The following IARS1 variants were observed in gnomAD, a reference collection of about 807,000 sequenced individuals.
IARS1 encodes the protein isoleucyl-tRNA synthetase 1, also known as isoleucine--tRNA ligase, cytoplasmic.
IARS1 carries 124 observed loss-of-function variants against 168.2 expected under a neutral mutation model. The observed-to-expected ratio is 0.74, with a 90% CI of 0.64 to 0.86. IARS1 has a LOEUF of 0.86. Among genes scored for constraint, IARS1 ranks in the 40% least tolerant of loss-of-function variants. IARS1 has a pLI of 0.00. For synonymous variants in IARS1, 532 were observed against 529.4 expected (o/e 1.00, Z -0.07); for missense variants, 1,452 against 1,515.8 (o/e 0.96, Z 0.70).
At chr9:92,250,685 G>C in intron 23 of IARS1, 28 bp downstream of exon 23, 1 of 1,573,588 alleles carries the variant, frequency 6.4e-7, no homozygotes. Flanking sequence ...CTTGGCACAG[G>C]TGAGGCTTAT....
intron 10 of IARS1, 126 bp from the exon 11 acceptor site, chr9:92,271,781 A>C (rs1833076387): frequency 9.8e-7 from 1 of 1,019,712 alleles, no homozygotes; most frequent in Non-Finnish European, 1.5e-6. Flanking sequence ...TTGTCCTGTA[A>C]ACTGAAGGTA....
rs910173548 is a variant in IARS1 at position 92,293,636 on chromosome 9, G to A, written c.-33C>T. 2 of 307,140 alleles carry A rather than the reference G, an allele frequency of 6.5e-6. No homozygotes were observed. The highest frequency in any genetic ancestry group is 4.2e-5 in the Admixed American group (1 of 23,790). 19.0% of individuals were successfully genotyped at this position (307,140 alleles called of 1,614,324 possible). A position where few individuals can be genotyped will look rare whatever the true frequency, so the allele number is the denominator to read the frequency against. On this transcript the variant is annotated 5_prime_UTR_variant, in exon 1 of 34. Transcript: ENST00000443024. ...CTGAGGGGCCTCGCGTGCCTGGACA[G>A]CCCCGCGGGCCAGCAAGCCTAAAAG...
At chr9:92,271,687 A>T in intron 10 of IARS1, 32 bp from the exon 11 acceptor site, 1 of 1,612,484 alleles carries the variant, frequency 6.2e-7, no homozygotes, top group Non-Finnish European at 8.5e-7. Context: ...GGAAGAATAA[A>T]ACAGTCTATG....
chr9:92,214,524 T>G (rs1412685041), intron 33 of IARS1, among the ~76,000 whole-genome samples: 1 of 152,158 alleles, frequency 6.6e-6, no homozygotes, highest in African/African-American at 2.4e-5. Flanking sequence ...TTCATCTCAC[T>G]AGGGAGTGCC....
chr9:92,212,111 G>T (rs1006369455), intron 33 of IARS1, among the ~76,000 whole-genome samples: 10 of 152,286 alleles, frequency 6.6e-5, no homozygotes, highest in African/African-American at 2.2e-4. Flanking sequence ...TCCTAGATGT[G>T]AGAATACTCT....
intron 10 of IARS1, among the ~76,000 whole-genome samples, chr9:92,273,836 GTGCTACACCA>G (rs1233464829): frequency 6.6e-5 from 10 of 152,312 alleles, no homozygotes; most frequent in South Asian, 2.1e-4. Context: ...GTGTATGTAG[GTGCTACACCA>G]TGCTACACCA....
chr9:92,245,578 T>C (rs1829061253), intron 26 of IARS1, among the ~76,000 whole-genome samples: 1 of 152,136 alleles, frequency 6.6e-6, no homozygotes, highest in Non-Finnish European at 1.5e-5. Context: ...CAGCTGCTGA[T>C]GTTAACACCC....
chr9:92,258,163 G>A (rs1830995468), intron 19 of IARS1, among the ~76,000 whole-genome samples: 1 of 152,174 alleles, frequency 6.6e-6, no homozygotes, highest in South Asian at 2.1e-4. Context: ...GCCAGCCCTA[G>A]CTTGCCTGTG....
intron 32 of IARS1, 32 bp downstream of exon 32, chr9:92,223,314 C>G (rs1491003259): frequency 7.0e-6 from 11 of 1,581,728 alleles, no homozygotes; most frequent in Non-Finnish European, 9.5e-6. Flanking sequence ...GCCCAGCACC[C>G]CACAGTCTGC....
At chr9:92,282,944 T>A (rs963696102) in intron 6 of IARS1, among the ~76,000 whole-genome samples, 1 of 151,296 alleles carries the variant, frequency 6.6e-6, no homozygotes, top group African/African-American at 2.4e-5. Context: ...AACCTCAACT[T>A]CCTGGGCTCA....
intron 1 of IARS1, among the ~76,000 whole-genome samples, chr9:92,291,323 G>A (rs1180867264): frequency 6.6e-6 from 1 of 151,998 alleles, no homozygotes; most frequent in Non-Finnish European, 1.5e-5. Context: ...CAACTCTACA[G>A]GAAAAGACAC....
In IARS1 at chr9:92,278,238, G is replaced by A. The variant is rs1834039030; in HGVS notation, c.794C>T (p.Ala265Val). Residue 265 changes from alanine (A) to valine (V), a missense_variant, in exon 8 of 34, where the codon GCC (alanine) becomes GTC (valine). Ala to Val is a moderately conservative substitution (Grantham distance 64, BLOSUM62 0). Coordinates refer to ENST00000443024, the MANE Select transcript of IARS1 (RefSeq NM_002161.6). Reference protein sequence around the residue: ...LLILMEARLSALYKLESDYEI... With the variant: ...LLILMEARLSVLYKLESDYEI... Reference sequence around the variant, plus strand: ...ATAGTCACTCTCCAATTTATAGAGGGCTGACAATCTGGCTTCCATTAAAAT... The same window carrying A: ...ATAGTCACTCTCCAATTTATAGAGGACTGACAATCTGGCTTCCATTAAAAT... The A allele has an allele frequency of 6.2e-7, 1 of 1,612,226 alleles. No homozygotes were observed. Among genetic ancestry groups the A allele is most frequent in the Non-Finnish European group, 8.5e-7 (1 of 1,178,432 alleles).
chr9:92,216,918 C>A (rs978036876), intron 33 of IARS1, among the ~76,000 whole-genome samples: 1 of 147,656 alleles, frequency 6.8e-6, no homozygotes, highest in African/African-American at 2.4e-5. Flanking sequence ...CTGCACCAAG[C>A]GGACCTAGTA....
At chr9:92,249,022 C>T (rs557894955) in intron 25 of IARS1, among the ~76,000 whole-genome samples, 1 of 152,262 alleles carries the variant, frequency 6.6e-6, no homozygotes, top group South Asian at 2.1e-4. Context: ...TATCCAATAT[C>T]CATACACTGA....
intron 18 of IARS1, among the ~76,000 whole-genome samples, chr9:92,259,905 G>C (rs903710909): frequency 2.5e-4 from 38 of 152,308 alleles, no homozygotes; most frequent in African/African-American, 8.4e-4. Context: ...GACTTGGACA[G>C]CTCAACAACA....
At chr9:92,268,080 G>A (rs1230355579) in intron 14 of IARS1, 94 bp downstream of exon 14, 1 of 1,336,572 alleles carries the variant, frequency 7.5e-7, no homozygotes, top group African/African-American at 1.5e-5. Flanking sequence ...AAGGGGCAAA[G>A]AAAAAAACAC....
At position 92,214,550 on chromosome 9, in the gene IARS1, G is replaced by T. The variant is rs1044300034; in HGVS notation, c.3707-3661C>A. Among the ~76,000 whole-genome samples, 4 of 152,336 alleles carry T rather than the reference G, an allele frequency of 2.6e-5. No individual in the cohort carries two copies. In the South Asian group the frequency reaches 8.3e-4, roughly 32 times the overall value. On this transcript the variant is annotated intron_variant, in intron 33 of 33. Coordinates refer to ENST00000443024, the MANE Select transcript of IARS1 (RefSeq NM_002161.6). ...AGGGAGTGCCAGACAGTGGGCGCAGGTCAGTGGGTGCACGCACCGTGCGCG... is the reference window on the plus strand; with the variant it reads ...AGGGAGTGCCAGACAGTGGGCGCAGTTCAGTGGGTGCACGCACCGTGCGCG...
At position 92,253,393 on chromosome 9, in the gene IARS1, C is replaced by T. The variant is rs1830282058; in HGVS notation, c.2198G>A (p.Trp733Ter). Reference sequence around the variant, plus strand: ...TCTTCTGCGGTTCATTCTAACATACCAATTGGTCAGAATATCTACAAACTT... The same window carrying T: ...TCTTCTGCGGTTCATTCTAACATACTAATTGGTCAGAATATCTACAAACTT... ...LVKFVDILTN[W>*]YVRMNRRRLK... Residue 733 changes from tryptophan to a stop codon, truncating the protein, a stop_gained, in exon 21 of 34, where the codon TGG becomes TAG. Coordinates refer to ENST00000443024, the MANE Select transcript of IARS1 (RefSeq NM_002161.6). LOFTEE classifies it high-confidence loss of function. 4 of 1,613,396 alleles carry T rather than the reference C, an allele frequency of 2.5e-6. No individual in the cohort carries two copies. Among genetic ancestry groups the T allele is most frequent in the Non-Finnish European group, 3.4e-6 (4 of 1,179,446 alleles).
rs1397579074 is a variant in IARS1 at position 92,243,352 on chromosome 9, G to A, written c.2905-41C>T. 4.4e-6 allele frequency: 6 copies of A among 1,356,848 alleles called. No individual in the cohort carries two copies. The Admixed American group carries it at 6.8e-5, about 15-fold the overall frequency. The allele number at this position is 1,356,848 out of a possible 1,614,324, so 84.1% of individuals were successfully genotyped here. On this transcript the variant is annotated intron_variant, in intron 27 of 33. Transcript: ENST00000443024. ...GTGCACACCATGACAATCAAATAAGGAGAAACACTTCTTCCCAACTCAGCA... is the reference window on the plus strand; with the variant it reads ...GTGCACACCATGACAATCAAATAAGAAGAAACACTTCTTCCCAACTCAGCA...
Sources: allele counts gnomAD v4.1 joint callset (sites outside exome capture counted in the v4.1 genomes callset), GRCh38; gene constraint gnomAD v4.1.1; transcripts MANE v1.5; gene names NCBI Gene and HGNC (gene_info 2026-07-23, HGNC 2026-07-21).